BICRA: variants seen among roughly 807,000 people sequenced by gnomAD.
BICRA encodes BRD4 interacting chromatin remodeling complex associated protein.
Under a neutral mutation model 96.9 loss-of-function variants are expected in BICRA, and 31 were observed. That is an observed-to-expected ratio of 0.32 (90% CI 0.24 to 0.43). The LOEUF is 0.43. BICRA is among the 20% of genes least tolerant of loss of function. The probability of loss-of-function intolerance (pLI) is 1.00; values close to 1 mark genes in which losing one functional copy is unlikely to be tolerated. For missense variants in BICRA, 2,283 were observed against 2,190.3 expected (o/e 1.04, Z -0.84); for synonymous variants, 1,350 against 1,071.8 (o/e 1.26, Z -5.07).
At chr19:47,679,255 G>C in intron 5 of BICRA, 66 bp from the exon 6 acceptor site, 2 of 1,206,154 alleles carry the variant, frequency 1.7e-6, no homozygotes, top group Non-Finnish European at 2.2e-6. Context: ...CTTTGCGGCA[G>C]CTGTGGCCTA....
At chr19:47,690,375 A>C (rs1157693849) in intron 7 of BICRA, among the ~76,000 whole-genome samples, 1 of 152,202 alleles carries the variant, frequency 6.6e-6, no homozygotes, top group Non-Finnish European at 1.5e-5. Context: ...GGACTAAAGC[A>C]AATGTGCATT....
At chr19:47,685,796 C>T (rs56012940) in intron 7 of BICRA, among the ~76,000 whole-genome samples, 4,333 of 135,752 alleles carry the variant, frequency 0.032, 142 homozygotes, top group Non-Finnish European at 0.044. Context: ...TGCGCGCGCG[C>T]GCGCATGCGT....
At chr19:47,608,669 T>C (rs1415423936), upstream of BICRA, among the ~76,000 whole-genome samples, 1 of 151,392 alleles carries the variant, frequency 6.6e-6, no homozygotes, top group Non-Finnish European at 1.5e-5. Flanking sequence ...CCCCCGGGAC[T>C]GGGGCTGGGG....
At chr19:47,697,420 T>TA (rs1973364365) in intron 11 of BICRA, among the ~76,000 whole-genome samples, 1 of 151,946 alleles carries the variant, frequency 6.6e-6, no homozygotes, top group African/African-American at 2.4e-5. Flanking sequence ...AATTTTTTTT[T>TA]ATATATATTG....
At chr19:47,629,303 T>C (rs1238488609) in intron 1 of BICRA, among the ~76,000 whole-genome samples, 1 of 152,088 alleles carries the variant, frequency 6.6e-6, no homozygotes, top group Non-Finnish European at 1.5e-5. Context: ...ACACCCGGCG[T>C]CCAACTGAAA....
chr19:47,666,099 C>T (rs935414316), intron 1 of BICRA, among the ~76,000 whole-genome samples: 4 of 152,230 alleles, frequency 2.6e-5, no homozygotes, highest in East Asian at 3.9e-4. Flanking sequence ...CCATGGAGGA[C>T]GTAGTGTTAT....
chr19:47,650,248 T>G (rs1361496352), intron 1 of BICRA, among the ~76,000 whole-genome samples: 2 of 152,174 alleles, frequency 1.3e-5, no homozygotes, highest in East Asian at 3.9e-4. Flanking sequence ...TTTTCCTGCC[T>G]CAGCCTTCCG....
chr19:47,659,825 C>T (rs188880256), intron 1 of BICRA, among the ~76,000 whole-genome samples: 5 of 152,206 alleles, frequency 3.3e-5, no homozygotes, highest in Admixed American at 2.6e-4. Flanking sequence ...TCTTGGCTCA[C>T]CACAGCCTTA....
At chr19:47,690,008 T>C (rs1254300851) in intron 7 of BICRA, among the ~76,000 whole-genome samples, 1 of 152,026 alleles carries the variant, frequency 6.6e-6, no homozygotes, top group African/African-American at 2.4e-5. Context: ...TTTGTTTTTG[T>C]TTTTGTTTTT....
At chr19:47,691,721 C>A (rs1033865920) in intron 7 of BICRA, among the ~76,000 whole-genome samples, 2 of 152,034 alleles carry the variant, frequency 1.3e-5, no homozygotes, top group Non-Finnish European at 2.9e-5. Flanking sequence ...ACATCGCACC[C>A]TGCTAATTTT....
Position 47,701,163 on chromosome 19 carries a change from G to A in BICRA, c.3596-165G>A, listed in dbSNP as rs2123616044. On this transcript the variant is annotated intron_variant, in intron 14 of 14. Coordinates refer to ENST00000594866, the MANE Select transcript of BICRA (RefSeq NM_001394372.1). This position sits in a 1 kb window ranked among gnomAD's most constrained non-coding sequence, Gnocchi z 5.4. ...TGGTTTTAGAGTTGGGGGAATTTGG[G>A]CCTTGCTGAAGAGGGTCTCACCAAG... 1 of 608,722 alleles carries A rather than the reference G, an allele frequency of 1.6e-6. No individual in the cohort carries two copies. The highest frequency in any genetic ancestry group is 2.0e-5 in the South Asian group (1 of 49,988). 37.7% of individuals were successfully genotyped at this position (608,722 alleles called of 1,614,324 possible). A position where few individuals can be genotyped will look rare whatever the true frequency, so the allele number is the denominator to read the frequency against.
At chr19:47,648,675 T>TTTG (rs1972498444) in intron 1 of BICRA, among the ~76,000 whole-genome samples, 1 of 148,924 alleles carries the variant, frequency 6.7e-6, no homozygotes, top group Non-Finnish European at 1.5e-5. Flanking sequence ...AGTTTTTTTT[T>TTTG]TTTGTTTGTT....
At chr19:47,664,678 T>C (rs2911003) in intron 1 of BICRA, among the ~76,000 whole-genome samples, 110,539 of 152,158 alleles carry the variant, frequency 0.73, 40,593 homozygotes, top group African/African-American at 0.83. Context: ...GCTTCGGCTG[T>C]GTGATGCCAC....
chr19:47,676,594 TCCTTCCCCC>T (rs571620219), intron 5 of BICRA, among the ~76,000 whole-genome samples: 1 of 79,774 alleles, frequency 1.3e-5, no homozygotes, highest in East Asian at 3.9e-4. Context: ...CTCCCCTTCC[TCCTTCCCCC>T]CCTCACCCTC....
chr19:47,669,817 C>T (rs1000052849), intron 1 of BICRA, among the ~76,000 whole-genome samples: 7 of 151,182 alleles, frequency 4.6e-5, no homozygotes, highest in Non-Finnish European at 1.0e-4. Flanking sequence ...CCAGCACGCC[C>T]GGCTAATTTT....
chr19:47,675,103 C>T lies in BICRA; in HGVS notation c.85-748C>T, dbSNP rs1360756564. ...CATCAACTAGACTTGCTGGTGGACT[C>T]GATGTTGAGGGGGAGAGAGTGTCCA... is the stretch of plus-strand genomic sequence containing the variant. On this transcript the variant is annotated intron_variant, in intron 4 of 14. Coordinates refer to ENST00000594866, the MANE Select transcript of BICRA (RefSeq NM_001394372.1). This position sits in a 1 kb window ranked among gnomAD's most constrained non-coding sequence, Gnocchi z 4.7. Among the ~76,000 whole-genome samples, 3 of 152,142 alleles carry T rather than the reference C, an allele frequency of 2.0e-5. No individual in the cohort carries two copies. The highest frequency in any genetic ancestry group is 1.9e-4 in the East Asian group (1 of 5,176).
At chr19:47,649,012 T>A (rs1217100109) in intron 1 of BICRA, among the ~76,000 whole-genome samples, 1 of 152,028 alleles carries the variant, frequency 6.6e-6, no homozygotes, top group Non-Finnish European at 1.5e-5. Context: ...CCACCACACC[T>A]GGCTAATTTT....
intron 1 of BICRA, among the ~76,000 whole-genome samples, chr19:47,651,381 T>C (rs769561616): frequency 3.9e-5 from 6 of 152,050 alleles, no homozygotes; most frequent in African/African-American, 9.7e-5. Flanking sequence ...TCCTCCTCCT[T>C]CTGCCTGGAG....
chr19:47,660,547 A>G (rs1193604696), intron 1 of BICRA, among the ~76,000 whole-genome samples: 2 of 152,210 alleles, frequency 1.3e-5, no homozygotes, highest in African/African-American at 4.8e-5. Flanking sequence ...TAGGCGTCAT[A>G]GCATGTTAAG....
Sources: gnomAD v4.1 joint callset for allele counts (sites outside exome capture counted in the v4.1 genomes callset) on GRCh38, gnomAD v4.1.1 for gene constraint, Gnocchi (gnomAD v3.1) non-coding constraint, MANE v1.5 for transcripts, NCBI Gene and HGNC (gene_info 2026-07-23, HGNC 2026-07-21) for gene names.